LRRC49: variants seen among roughly 807,000 people sequenced by gnomAD.
The protein encoded by LRRC49 is leucine-rich repeat-containing protein 49.
A neutral mutation model predicts 83.3 loss-of-function variants in LRRC49; 50 were observed. The observed-to-expected ratio is 0.60, with a 90% CI of 0.48 to 0.76. The LOEUF is 0.76. LRRC49 is among the 30% of genes least tolerant of loss of function. The pLI is 0.00. For synonymous variants in LRRC49, 286 were observed against 283.3 expected (o/e 1.01, Z -0.10); for missense variants, 704 against 809.1 (o/e 0.87, Z 1.58).
intron 12 of LRRC49, chr15:71,009,462 T>G (rs934660575): frequency 6.1e-6 from 1 of 163,172 alleles, no homozygotes; most frequent in African/African-American, 2.4e-5. Flanking sequence ...TTAAAAAAAT[T>G]TATTTAATGT....
intron 11 of LRRC49, among the ~76,000 whole-genome samples, chr15:70,985,031 G>C (rs1400812253): frequency 7.5e-6 from 1 of 132,586 alleles, no homozygotes; most frequent in Non-Finnish European, 1.6e-5. Flanking sequence ...GTCTATCATT[G>C]TTGGACATTT....
At chr15:70,961,426 T>C (rs532955887) in intron 8 of LRRC49, among the ~76,000 whole-genome samples, 7 of 152,320 alleles carry the variant, frequency 4.6e-5, no homozygotes, top group Admixed American at 3.9e-4. Flanking sequence ...TGAAAACTTA[T>C]GCCCACACAA....
intron 4 of LRRC49, 59 bp downstream of exon 4, chr15:70,901,083 A>G: frequency 1.1e-6 from 1 of 911,870 alleles, no homozygotes; most frequent in African/African-American, 1.7e-5. Flanking sequence ...GACGTGGTAC[A>G]AGACTTGAAA....
chr15:70,965,035 T>G (rs577951583), intron 9 of LRRC49, among the ~76,000 whole-genome samples: 3 of 152,280 alleles, frequency 2.0e-5, no homozygotes, highest in African/African-American at 7.2e-5. Flanking sequence ...ATGGTGGAGC[T>G]ATGGTTCTTT....
intron 11 of LRRC49, among the ~76,000 whole-genome samples, chr15:70,997,123 A>G (rs1019025641): frequency 1.3e-5 from 2 of 152,176 alleles, no homozygotes; most frequent in African/African-American, 2.4e-5. Flanking sequence ...TGTTCTATCC[A>G]TTATTGAAGG....
chr15:70,894,189 C>G (rs1783445217), intron 2 of LRRC49, among the ~76,000 whole-genome samples: 1 of 152,172 alleles, frequency 6.6e-6, no homozygotes. Context: ...AGCCACCGCA[C>G]CCAGTGATAT....
At chr15:70,986,017 G>T (rs1018609733) in intron 11 of LRRC49, among the ~76,000 whole-genome samples, 3 of 151,650 alleles carry the variant, frequency 2.0e-5, no homozygotes, top group Non-Finnish European at 4.4e-5. Flanking sequence ...GTATCATGCT[G>T]TTTTGGTTAT....
In LRRC49 at chr15:70,919,107, A is replaced by G; in HGVS notation, c.625A>G (p.Arg209Gly). 1 of 1,612,388 alleles carries G rather than the reference A, an allele frequency of 6.2e-7. No individual in the cohort carries two copies. Among genetic ancestry groups the G allele is most frequent in the Non-Finnish European group, 8.5e-7 (1 of 1,178,744 alleles). ...LCELRVLNLA[R>G]NFLSHVDNLN... ...TGAGTTGAGAGTTTTAAATCTTGCC[A>G]GGAACTTTTTAAGTCATGTTGATAA... is the stretch of plus-strand genomic sequence containing the variant. Residue 209 changes from arginine (R) to glycine (G), a missense_variant, in exon 7 of 16, where the codon AGG (arginine) becomes GGG (glycine). Physicochemically the swap from Arg to Gly is moderately radical, Grantham distance 125. Around this residue, in one of 3 missense-constraint regions of LRRC49, gnomAD observed 261 missense variants for 330.5 expected, o/e 0.79. Coordinates refer to ENST00000260382, the MANE Select transcript of LRRC49 (RefSeq NM_017691.5).
chr15:70,900,823 G>A (rs2141107217), intron 3 of LRRC49, 99 bp from the exon 4 acceptor site: 1 of 697,374 alleles, frequency 1.4e-6, no homozygotes, highest in Non-Finnish European at 2.5e-6. Context: ...TTCTAGATAA[G>A]ATATTTATGG....
upstream of LRRC49, among the ~76,000 whole-genome samples, chr15:70,888,152 C>T (rs2033458967): frequency 1.3e-5 from 2 of 152,066 alleles, no homozygotes; most frequent in African/African-American, 2.4e-5. Flanking sequence ...TCAAAATCCT[C>T]GTGAGTAACT....
At chr15:70,892,074 AAG>A, upstream of LRRC49, 1 of 1,613,948 alleles carries the variant, frequency 6.2e-7, no homozygotes, top group Non-Finnish European at 8.5e-7. Context: ...TGGATAACCG[AAG>A]AGACGTCAAA....
At chr15:70,859,950 C>T (rs1293602176) in intron 1 of LRRC49, 7 of 764,708 alleles carry the variant, frequency 9.2e-6, no homozygotes, top group Admixed American at 3.4e-5. Context: ...ACAATCCATA[C>T]GAAGACCACC....
chr15:70,872,716 C>T (rs966404722), intron 1 of LRRC49, among the ~76,000 whole-genome samples: 3 of 151,970 alleles, frequency 2.0e-5, no homozygotes, highest in Admixed American at 2.0e-4. Context: ...TGAGACCAGA[C>T]AAGTTCCATA....
At chr15:70,923,829 T>C (rs2035094282) in intron 7 of LRRC49, among the ~76,000 whole-genome samples, 1 of 151,914 alleles carries the variant, frequency 6.6e-6, no homozygotes, top group South Asian at 2.1e-4. Context: ...TATATACTTT[T>C]TTTCAACCAT....
rs750162592 is a variant in LRRC49 at position 70,904,747 on chromosome 15, G to A, written c.492G>A (p.Gly164=). ...GATGTCTTCGTGTCCTTCTGTTGGG[G>A]AAAAACAGGTATTCTTTGTAGAGCA... ...TLRCLRVLLL[G]KNRIKKISNL... The change falls in exon 5 of 16, where the codon GGG becomes GGA. Residue 164 remains glycine (G), a synonymous_variant. Coordinates refer to ENST00000260382, the MANE Select transcript of LRRC49 (RefSeq NM_017691.5). 1.1e-5 allele frequency: 17 copies of A among 1,609,934 alleles called. No individual in the cohort carries two copies. The highest frequency in any genetic ancestry group is 1.4e-5 in the Non-Finnish European group (16 of 1,177,776).
chr15:70,968,062 A>G, intron 9 of LRRC49, among the ~76,000 whole-genome samples: 1 of 152,008 alleles, frequency 6.6e-6, no homozygotes, highest in East Asian at 1.9e-4. Context: ...ATAGGTATAC[A>G]GGTGCCATGG....
At chr15:70,927,479 GT>G (rs1322881850) in intron 7 of LRRC49, among the ~76,000 whole-genome samples, 3 of 151,970 alleles carry the variant, frequency 2.0e-5, no homozygotes, top group African/African-American at 4.8e-5. Flanking sequence ...TCTAATTTTA[GT>G]GAAGCTCAGT....
At chr15:70,980,457 CTT>C (rs1471156870) in intron 10 of LRRC49, among the ~76,000 whole-genome samples, 1 of 151,920 alleles carries the variant, frequency 6.6e-6, no homozygotes, top group Non-Finnish European at 1.5e-5. Context: ...AGTTATAACA[CTT>C]TTATTTCATA....
intron 7 of LRRC49, among the ~76,000 whole-genome samples, chr15:70,929,048 A>G (rs534898424): frequency 1.3e-5 from 2 of 151,984 alleles, no homozygotes; most frequent in Admixed American, 1.3e-4. Context: ...CATTCTTATC[A>G]CTTATCTGGT....
Sources: allele counts gnomAD v4.1 joint callset (sites outside exome capture counted in the v4.1 genomes callset), GRCh38; gene constraint gnomAD v4.1.1; regional missense constraint gnomAD v4.1.1; transcripts MANE v1.5; gene names NCBI Gene and HGNC (gene_info 2026-07-23, HGNC 2026-07-21).